The following MTUS2 variants were observed in gnomAD, a reference collection of about 807,000 sequenced individuals.
The protein encoded by MTUS2 is microtubule-associated tumor suppressor candidate 2.
In MTUS2, 40 loss-of-function variants were observed where a neutral mutation model predicts 114.1. That is an observed-to-expected ratio of 0.35 (90% CI 0.27 to 0.46). The LOEUF is 0.46. Ranked by LOEUF, MTUS2 falls within the 20% of genes least tolerant of loss-of-function variation. MTUS2 has a pLI of 1.00. For synonymous variants in MTUS2, 688 were observed against 672.0 expected, an observed-to-expected ratio of 1.02 and a Z score of -0.37; for missense variants, 1,679 against 1,705.4, an observed-to-expected ratio of 0.98 and a Z score of 0.27.
At chr13:29,425,550 A>C (rs1414404625) in intron 8 of MTUS2, among the ~76,000 whole-genome samples, 1 of 152,244 alleles carries the variant, frequency 6.6e-6, no homozygotes, top group Non-Finnish European at 1.5e-5. Context: ...AAGTAAAAAA[A>C]TAGAAGTAAA....
intron 3 of MTUS2, among the ~76,000 whole-genome samples, chr13:29,029,948 T>G (rs1459485756): frequency 6.6e-6 from 1 of 152,136 alleles, no homozygotes; most frequent in Non-Finnish European, 1.5e-5. Context: ...CATTTCAACA[T>G]AAGAGTTGGC....
chr13:29,422,528 G>T (rs993087958), intron 8 of MTUS2, among the ~76,000 whole-genome samples: 2 of 151,564 alleles, frequency 1.3e-5, no homozygotes, highest in Admixed American at 6.6e-5. Context: ...TTTTCTAAAT[G>T]TTTGTTGCTA....
At chr13:28,882,114 C>T (rs1383040491) in intron 2 of MTUS2, among the ~76,000 whole-genome samples, 1 of 151,808 alleles carries the variant, frequency 6.6e-6, no homozygotes, top group Non-Finnish European at 1.5e-5. Context: ...GGCTGGAGTG[C>T]GGCAGCATGA....
At chr13:29,242,214 A>G (rs891670238) in intron 5 of MTUS2, among the ~76,000 whole-genome samples, 7 of 152,206 alleles carry the variant, frequency 4.6e-5, no homozygotes, top group African/African-American at 1.7e-4. Flanking sequence ...TCATCTCAGT[A>G]AAAGCCCTCA....
At chr13:29,257,159 A>G (rs1351674359) in intron 5 of MTUS2, among the ~76,000 whole-genome samples, 1 of 152,070 alleles carries the variant, frequency 6.6e-6, no homozygotes, top group Non-Finnish European at 1.5e-5. Flanking sequence ...GTCTTGCCCT[A>G]TTCAAATCCA....
intron 5 of MTUS2, among the ~76,000 whole-genome samples, chr13:29,160,769 CAAAAA>C (rs71090227): frequency 2.2e-4 from 26 of 119,096 alleles, no homozygotes; most frequent in South Asian, 2.6e-4. Context: ...GACTCCGTCT[CAAAAA>C]AAAAAAAAAA....
At chr13:29,055,389 T>G (rs1190806406) in intron 4 of MTUS2, among the ~76,000 whole-genome samples, 1 of 152,136 alleles carries the variant, frequency 6.6e-6, no homozygotes, top group Non-Finnish European at 1.5e-5. Context: ...TAATTTTATC[T>G]TAGGTTTAGG....
chr13:29,034,500 C>T (rs565815774), intron 4 of MTUS2, among the ~76,000 whole-genome samples: 5 of 152,176 alleles, frequency 3.3e-5, no homozygotes, highest in East Asian at 1.9e-4. Flanking sequence ...CATTTGGTGT[C>T]GAGACAGAGA....
At chr13:28,966,818 A>T (rs1883618587) in intron 2 of MTUS2, among the ~76,000 whole-genome samples, 1 of 151,562 alleles carries the variant, frequency 6.6e-6, no homozygotes, top group Admixed American at 6.6e-5. Flanking sequence ...ACCTGGGCTT[A>T]TACTCCATGA....
chr13:29,275,016 G>T (rs1256108369), intron 5 of MTUS2, among the ~76,000 whole-genome samples: 1 of 152,156 alleles, frequency 6.6e-6, no homozygotes, highest in Non-Finnish European at 1.5e-5. Context: ...TTACAGGTGT[G>T]AGCCATCATG....
rs146155784 is a variant in MTUS2, at chr13:28,907,882, A to T, written c.-243+68032A>T. On this transcript the variant is annotated intron_variant, in intron 2 of 15. Transcript: ENST00000612955. The stretch of plus-strand genomic sequence containing the variant: ...TGACAGTTCTTTTCTTTCAGCACTT[A>T]AAAAACCATTGTGTCACTTCCTTCT... 1.2e-3 allele frequency among the ~76,000 whole-genome samples: 179 copies of T among 151,712 alleles called. 4 individuals carry two copies. Among genetic ancestry groups the T allele is most frequent in the African/African-American group, 4.1e-3 (171 of 41,220 alleles).
At chr13:29,318,889 T>C (rs1900134724) in intron 6 of MTUS2, among the ~76,000 whole-genome samples, 1 of 152,220 alleles carries the variant, frequency 6.6e-6, no homozygotes, top group Non-Finnish European at 1.5e-5. Flanking sequence ...CATCTGGGTT[T>C]GTAGTGATTG....
At chr13:29,299,651 G>A (rs887919172) in intron 6 of MTUS2, among the ~76,000 whole-genome samples, 12 of 152,150 alleles carry the variant, frequency 7.9e-5, no homozygotes, top group African/African-American at 2.4e-4. Flanking sequence ...AGAAGTGGCC[G>A]GTGATGATGG....
chr13:29,497,125 A>G (rs1212644701), intron 12 of MTUS2, 113 bp from the exon 13 acceptor site: 8 of 882,744 alleles, frequency 9.1e-6, no homozygotes, highest in African/African-American at 8.3e-5. Flanking sequence ...CCCAAGGGAA[A>G]CACTCTGAGG....
intron 7 of MTUS2, among the ~76,000 whole-genome samples, chr13:29,353,875 G>T (rs561555775): frequency 6.6e-6 from 1 of 152,200 alleles, no homozygotes; most frequent in Admixed American, 6.5e-5. Flanking sequence ...GCAGAGTTCT[G>T]TCCCCATCCT....
At chr13:28,858,494 A>G (rs536183964) in intron 2 of MTUS2, among the ~76,000 whole-genome samples, 2 of 152,290 alleles carry the variant, frequency 1.3e-5, no homozygotes, top group African/African-American at 4.8e-5. Flanking sequence ...CAGGTAGGAC[A>G]GGCAGAACAT....
At chr13:28,861,877 C>A (rs144837903) in intron 2 of MTUS2, among the ~76,000 whole-genome samples, 1 of 152,118 alleles carries the variant, frequency 6.6e-6, no homozygotes, top group Non-Finnish European at 1.5e-5. Context: ...TTCCCTGACC[C>A]GTCCCTAAAG....
intron 8 of MTUS2, among the ~76,000 whole-genome samples, chr13:29,401,353 C>T (rs1351891846): frequency 6.6e-6 from 1 of 152,132 alleles, no homozygotes; most frequent in African/African-American, 2.4e-5. Context: ...TGTCTTTTAA[C>T]ATATATAAGA....
At chr13:29,011,265 T>C (rs1489549475) in intron 2 of MTUS2, among the ~76,000 whole-genome samples, 1 of 152,280 alleles carries the variant, frequency 6.6e-6, no homozygotes, top group Non-Finnish European at 1.5e-5. Context: ...CTTTTGAGAA[T>C]GTTTGATTTT....
Sources: allele counts gnomAD v4.1 joint callset (sites outside exome capture counted in the v4.1 genomes callset), GRCh38; gene constraint gnomAD v4.1.1; transcripts MANE v1.5; gene names NCBI Gene and HGNC (gene_info 2026-07-23, HGNC 2026-07-21).